Variants in CSMD1 observed in about 807,000 individuals in gnomAD.
CSMD1 encodes CUB and Sushi multiple domains 1, also known as CUB and sushi domain-containing protein 1.
A neutral mutation model predicts 417.5 loss-of-function variants in CSMD1; 213 were observed. That is an observed-to-expected ratio of 0.51 (90% CI 0.46 to 0.57). CSMD1 has a LOEUF of 0.57. CSMD1 is among the 20% of genes least tolerant of loss of function. CSMD1 has a pLI of 0.00. For synonymous variants in CSMD1, 2,862 were observed against 1,736.8 expected (o/e 1.65, Z -16.11); for missense variants, 6,923 against 4,529.7 (o/e 1.53, Z -15.17).
At chr8:4,064,621 C>T (rs1270322926) in intron 3 of CSMD1, among the ~76,000 whole-genome samples, 1 of 152,196 alleles carries the variant, frequency 6.6e-6, no homozygotes, top group African/African-American at 2.4e-5. Flanking sequence ...GCTCCCAACA[C>T]CTGTGCCTTC....
intron 12 of CSMD1, among the ~76,000 whole-genome samples, chr8:3,423,001 C>G (rs1813593183): frequency 6.6e-6 from 1 of 152,174 alleles, no homozygotes. Context: ...TTGGCAACAC[C>G]TGAATTTTAC....
chr8:3,431,718 A>T (rs1035349243), intron 12 of CSMD1, among the ~76,000 whole-genome samples: 1 of 152,198 alleles, frequency 6.6e-6, no homozygotes, highest in Non-Finnish European at 1.5e-5. Context: ...GAAACACATC[A>T]CATCTCTCAC....
At chr8:3,042,613 G>C (rs57806015) in intron 50 of CSMD1, among the ~76,000 whole-genome samples, 1,751 of 152,196 alleles carry the variant, frequency 0.012, 28 homozygotes, top group African/African-American at 0.04. Flanking sequence ...ACCATCTTCA[G>C]TGCTGACTCC....
intron 10 of CSMD1, among the ~76,000 whole-genome samples, chr8:3,565,953 G>A (rs935453749): frequency 3.9e-5 from 6 of 152,170 alleles, no homozygotes; most frequent in South Asian, 2.1e-4. Context: ...TCTTCCCAAC[G>A]TATACGCATT....
Position 4,021,017 on chromosome 8 carries a change from A to G in CSMD1, c.610+10888T>C, listed in dbSNP as rs1796762256. On this transcript the variant is annotated intron_variant, in intron 4 of 69. Transcript: ENST00000635120. The stretch of plus-strand genomic sequence containing the variant: ...ATGATTAAACTGCATCTATTTATTA[A>G]ACCCTACAACGTAAGTGAGAATAAA... Among the ~76,000 whole-genome samples, 4 of 152,234 alleles carry G rather than the reference A, an allele frequency of 2.6e-5. No homozygotes were observed. In the South Asian group the frequency reaches 8.3e-4, roughly 32 times the overall value.
chr8:4,392,916 C>T (rs564247678), intron 3 of CSMD1, among the ~76,000 whole-genome samples: 9 of 151,982 alleles, frequency 5.9e-5, no homozygotes, highest in Non-Finnish European at 1.0e-4. Flanking sequence ...TTGCAGTGAG[C>T]GGAGATCCTG....
intron 12 of CSMD1, among the ~76,000 whole-genome samples, chr8:3,442,302 G>A (rs551637709): frequency 2.0e-5 from 3 of 152,240 alleles, no homozygotes; most frequent in South Asian, 2.1e-4. Flanking sequence ...AGTTCACAGT[G>A]TTTATAAGTC....
At chr8:4,125,123 GA>G (rs55926541) in intron 3 of CSMD1, among the ~76,000 whole-genome samples, 149,209 of 151,934 alleles carry the variant, frequency 0.98, 73,336 homozygotes, top group Non-Finnish European at 1. Context: ...CTTCCATCGA[GA>G]AAAAAACCTT....
At chr8:4,097,387 T>C (rs544699548) in intron 3 of CSMD1, among the ~76,000 whole-genome samples, 1 of 152,324 alleles carries the variant, frequency 6.6e-6, no homozygotes, top group East Asian at 1.9e-4. Context: ...ACGGGTGTTA[T>C]AAGAATTAAA....
intron 5 of CSMD1, among the ~76,000 whole-genome samples, chr8:3,863,710 A>T (rs754962059): frequency 5.3e-5 from 8 of 152,346 alleles, no homozygotes; most frequent in Non-Finnish European, 1.2e-4. Context: ...AATAACATAC[A>T]TGGTCTCTAA....
chr8:4,792,097 T>C (rs1219096577), intron 1 of CSMD1, among the ~76,000 whole-genome samples: 1 of 152,134 alleles, frequency 6.6e-6, no homozygotes, highest in African/African-American at 2.4e-5. Context: ...TATATGGAGA[T>C]CCCTTCCTCC....
chr8:3,919,466 G>A lies in CSMD1; in HGVS notation c.818+78437C>T, dbSNP rs571506676. Among the ~76,000 whole-genome samples the A allele has an allele frequency of 9.1e-4, 138 of 151,936 alleles. 1 individual carries two copies. Among genetic ancestry groups the A allele is most frequent in the Middle Eastern group, 3.4e-3 (1 of 292 alleles). On this transcript the variant is annotated intron_variant, in intron 5 of 69. Coordinates refer to ENST00000635120, the MANE Select transcript of CSMD1 (RefSeq NM_033225.6). ...AGTTTTTGCTTGAGTTCACTTTCTGGCTTTCTATTCTGTATTATTGGTCTA... is the reference window on the plus strand; with the variant it reads ...AGTTTTTGCTTGAGTTCACTTTCTGACTTTCTATTCTGTATTATTGGTCTA...
At chr8:4,721,932 A>T (rs745977056) in intron 1 of CSMD1, among the ~76,000 whole-genome samples, 1 of 152,202 alleles carries the variant, frequency 6.6e-6, no homozygotes, top group African/African-American at 2.4e-5. Flanking sequence ...CGAAAGAAAA[A>T]CTAGAATTTA....
At chr8:3,732,251 T>C (rs1796311987) in intron 6 of CSMD1, among the ~76,000 whole-genome samples, 1 of 152,164 alleles carries the variant, frequency 6.6e-6, no homozygotes, top group Non-Finnish European at 1.5e-5. Context: ...TGCAGGGCAA[T>C]TACTCGATAC....
At chr8:4,817,156 CACACATGTATACACACTAT>C (rs1799256282) in intron 1 of CSMD1, among the ~76,000 whole-genome samples, 1 of 152,090 alleles carries the variant, frequency 6.6e-6, no homozygotes, top group Non-Finnish European at 1.5e-5. Context: ...CATAAATACA[CACACATGTATACACACTAT>C]ACTCATGTAT....
intron 52 of CSMD1, among the ~76,000 whole-genome samples, chr8:3,003,659 C>G (rs1288113533): frequency 6.6e-6 from 1 of 152,114 alleles, no homozygotes; most frequent in Non-Finnish European, 1.5e-5. Flanking sequence ...GACACAATCG[C>G]AGAGGGTAAA....
intron 3 of CSMD1, among the ~76,000 whole-genome samples, chr8:4,241,429 C>T (rs1802390588): frequency 6.6e-6 from 1 of 152,190 alleles, no homozygotes; most frequent in African/African-American, 2.4e-5. Context: ...TTCCTCATAG[C>T]ACTTTATTAT....
intron 2 of CSMD1, among the ~76,000 whole-genome samples, chr8:4,538,118 G>A (rs1403513729): frequency 6.6e-6 from 1 of 151,884 alleles, no homozygotes; most frequent in East Asian, 1.9e-4. Context: ...AAATAAAATA[G>A]ACCAGAGCCT....
chr8:3,354,534 T>C (rs1563303428), intron 21 of CSMD1, among the ~76,000 whole-genome samples: 2 of 152,172 alleles, frequency 1.3e-5, no homozygotes, highest in Non-Finnish European at 2.9e-5. Context: ...ATCTTGCCCG[T>C]AATAGAAGTC....
Sources: gnomAD v4.1 joint callset for allele counts (sites outside exome capture counted in the v4.1 genomes callset) on GRCh38, gnomAD v4.1.1 for gene constraint, MANE v1.5 for transcripts, NCBI Gene and HGNC (gene_info 2026-07-23, HGNC 2026-07-21) for gene names.